The following IL1RAPL1 variants were observed in gnomAD, a reference collection of about 807,000 sequenced individuals.
IL1RAPL1 encodes the protein interleukin 1 receptor accessory protein like 1.
IL1RAPL1 carries 3 observed loss-of-function variants against 48.4 expected under a neutral mutation model. The ratio of observed to expected loss-of-function variants is 0.06; its 90% confidence interval spans 0.03 to 0.16. The LOEUF is 0.16. IL1RAPL1 is among the 10% of genes least tolerant of loss of function. The pLI is 1.00. For synonymous variants in IL1RAPL1, 185 were observed against 187.7 expected (o/e 0.99, Z 0.12); for missense variants, 349 against 530.6 (o/e 0.66, Z 3.36).
chrX:29,686,524 C>A (rs1926622079), intron 6 of IL1RAPL1, among the ~76,000 whole-genome samples: 1 of 98,173 alleles, frequency 1.0e-5, no homozygotes, highest in African/African-American at 3.8e-5. Context: ...CCTCCCCCCA[C>A]CCCCCTAAAG....
chrX:29,601,961 A>ATTTGTTTGTTTT (rs757769464), intron 5 of IL1RAPL1, among the ~76,000 whole-genome samples: 6 of 111,712 alleles, frequency 5.4e-5, no homozygotes, highest in Non-Finnish European at 1.1e-4. Flanking sequence ...TGGAGTATTC[A>ATTTGTTTGTTTT]TTTGTTTGTT....
rs181522610 is a variant in IL1RAPL1 at position 29,819,279 on chromosome X, A to G, written c.779-98185A>G. Among the ~76,000 whole-genome samples the G allele has an allele frequency of 3.1e-3, 349 of 111,940 alleles. 2 individuals carry two copies. The highest frequency in any genetic ancestry group is 5.4e-3 in the Non-Finnish European group (287 of 53,141). ...AGTACTTTCTTCATTTATTTGATGA[A>G]AAAAAAGCACAGACTGCTTTAAAAA... On this transcript the variant is annotated intron_variant, in intron 6 of 10. Transcript: ENST00000378993.
At chrX:29,707,210 G>A (rs139271749) in intron 6 of IL1RAPL1, among the ~76,000 whole-genome samples, 1,880 of 111,165 alleles carry the variant, frequency 0.017, 19 homozygotes, top group Non-Finnish European at 0.025. Flanking sequence ...TAGTTCTCAG[G>A]GAAATGCAAA....
At chrX:28,678,133 A>G (rs1935019335) in intron 1 of IL1RAPL1, among the ~76,000 whole-genome samples, 1 of 111,843 alleles carries the variant, frequency 8.9e-6, no homozygotes, top group African/African-American at 3.3e-5. Context: ...AAGCCATCTT[A>G]GTTTTTTGGG....
At chrX:29,545,847 A>G (rs754675532) in intron 5 of IL1RAPL1, among the ~76,000 whole-genome samples, 9 of 112,118 alleles carry the variant, frequency 8.0e-5, no homozygotes, top group African/African-American at 2.9e-4. Flanking sequence ...TAAGAAGTAC[A>G]TGGGAATTCT....
At chrX:29,353,809 T>C (rs1399462447) in intron 3 of IL1RAPL1, among the ~76,000 whole-genome samples, 1 of 103,558 alleles carries the variant, frequency 9.7e-6, no homozygotes, top group East Asian at 2.9e-4. Context: ...TCTCCATCTC[T>C]CATTTTCTAC....
intron 5 of IL1RAPL1, among the ~76,000 whole-genome samples, chrX:29,476,973 C>CG (rs1934983726): frequency 1.0e-5 from 1 of 97,534 alleles, no homozygotes; most frequent in Non-Finnish European, 2.0e-5. Context: ...CTCCGCTTCC[C>CG]GGGTTCACGC....
chrX:29,849,909 G>T (rs1931326580), intron 6 of IL1RAPL1, among the ~76,000 whole-genome samples: 1 of 111,986 alleles, frequency 8.9e-6, no homozygotes, highest in Non-Finnish European at 1.9e-5. Flanking sequence ...CAACATGACA[G>T]AATTGAGTTG....
rs147257873 is a variant in IL1RAPL1, at chrX:28,823,098, T to C, written c.82+33673T>C. On this transcript the variant is annotated intron_variant, in intron 2 of 10. Transcript: ENST00000378993. ...TTTCTTCAACCCATCTCATAATACC[T>C]CTTGAGATTTCTATAGTCCTTTAAT... is the stretch of plus-strand genomic sequence containing the variant. 9.9e-5 allele frequency among the ~76,000 whole-genome samples: 11 copies of C among 111,649 alleles called. No homozygotes were observed. In the East Asian group the frequency reaches 3.1e-3, roughly 32 times the overall value.
intron 2 of IL1RAPL1, among the ~76,000 whole-genome samples, chrX:29,002,761 A>G (rs1925886164): frequency 8.9e-6 from 1 of 112,145 alleles, no homozygotes; most frequent in Admixed American, 9.5e-5. Context: ...TGGAAGACTG[A>G]TTAAAACTAC....
At chrX:29,115,573 T>C (rs930484894) in intron 2 of IL1RAPL1, among the ~76,000 whole-genome samples, 2 of 110,472 alleles carry the variant, frequency 1.8e-5, no homozygotes, top group African/African-American at 6.6e-5. Context: ...TTTCCTGGCA[T>C]ATCTTTAGCT....
At chrX:29,744,387 A>G (rs1569158580) in intron 6 of IL1RAPL1, among the ~76,000 whole-genome samples, 1 of 112,209 alleles carries the variant, frequency 8.9e-6, no homozygotes, top group Non-Finnish European at 1.9e-5. Context: ...GAATAGAAAT[A>G]TCTGCCATTA....
At chrX:29,927,317 C>T (rs1280063785) in intron 8 of IL1RAPL1, among the ~76,000 whole-genome samples, 3 of 112,219 alleles carry the variant, frequency 2.7e-5, no homozygotes, top group Non-Finnish European at 5.6e-5. Context: ...CTTGAGCTCA[C>T]TGTCTCCATG....
At chrX:28,921,531 C>T (rs1923616996) in intron 2 of IL1RAPL1, among the ~76,000 whole-genome samples, 1 of 111,314 alleles carries the variant, frequency 9.0e-6, no homozygotes, top group South Asian at 3.8e-4. Context: ...CCCCTTCCTC[C>T]CCAAATCTAT....
intron 2 of IL1RAPL1, among the ~76,000 whole-genome samples, chrX:29,004,666 G>T (rs67818745): frequency 9.0e-6 from 1 of 111,311 alleles, no homozygotes; most frequent in Admixed American, 9.6e-5. Flanking sequence ...AATTTCATCG[G>T]CTATATACCA....
intron 6 of IL1RAPL1, among the ~76,000 whole-genome samples, chrX:29,913,451 C>CAT (rs1041081718): frequency 4.2e-5 from 4 of 94,785 alleles, no homozygotes; most frequent in African/African-American, 1.2e-4. Context: ...CATATATATA[C>CAT]ATATATATAG....
At chrX:28,698,346 C>T (rs1935258519) in intron 1 of IL1RAPL1, among the ~76,000 whole-genome samples, 1 of 111,341 alleles carries the variant, frequency 9.0e-6, no homozygotes, top group South Asian at 3.8e-4. Flanking sequence ...TTCACCTTCC[C>T]TGAGCTCTCA....
chrX:28,643,447 C>A (rs1468650976), intron 1 of IL1RAPL1, among the ~76,000 whole-genome samples: 1 of 111,234 alleles, frequency 9.0e-6, no homozygotes, highest in South Asian at 3.8e-4. Flanking sequence ...CTATTAGTTA[C>A]AAGATGAAAC....
chrX:29,546,905 G>C (rs185650330), intron 5 of IL1RAPL1, among the ~76,000 whole-genome samples: 1 of 111,808 alleles, frequency 8.9e-6, no homozygotes, highest in African/African-American at 3.2e-5. Flanking sequence ...AGGTCTGACA[G>C]AGGTGATTAC....
Sources: allele counts gnomAD v4.1 joint callset (sites outside exome capture counted in the v4.1 genomes callset), GRCh38; gene constraint gnomAD v4.1.1; transcripts MANE v1.5; gene names NCBI Gene and HGNC (gene_info 2026-07-23, HGNC 2026-07-21).